Variants in SLC41A2 observed in about 807,000 individuals in gnomAD.
The protein encoded by SLC41A2 is SLC41A1-like 1.
Under a neutral mutation model 58.3 loss-of-function variants are expected in SLC41A2, and 32 were observed. The observed-to-expected ratio is 0.55, with a 90% CI of 0.41 to 0.74. The LOEUF is 0.74. Among genes scored for constraint, SLC41A2 ranks in the 30% least tolerant of loss-of-function variants. The probability of loss-of-function intolerance (pLI) is 0.00; values close to 1 mark genes in which losing one functional copy is unlikely to be tolerated. For missense variants in SLC41A2, 514 were observed against 680.6 expected (o/e 0.76, Z 2.72); for synonymous variants, 190 against 235.0 (o/e 0.81, Z 1.75).
At chr12:104,869,873 CAATT>C (rs2043672679) in intron 6 of SLC41A2, among the ~76,000 whole-genome samples, 1 of 152,092 alleles carries the variant, frequency 6.6e-6, no homozygotes, top group Non-Finnish European at 1.5e-5. Flanking sequence ...AGCAAATAGT[CAATT>C]AAAGGCCAAC....
At chr12:104,890,129 T>A (rs1198153920) in intron 4 of SLC41A2, among the ~76,000 whole-genome samples, 1 of 152,170 alleles carries the variant, frequency 6.6e-6, no homozygotes, top group Admixed American at 6.6e-5. Flanking sequence ...AATTTCTTGA[T>A]GTTCATGGAC....
chr12:104,852,606 C>T (rs577485634), intron 8 of SLC41A2, among the ~76,000 whole-genome samples: 3 of 152,134 alleles, frequency 2.0e-5, no homozygotes, highest in Non-Finnish European at 2.9e-5. Context: ...ACACTGTAGT[C>T]CAGGAAACAC....
chr12:104,823,622 A>C (rs1435216987), intron 10 of SLC41A2, among the ~76,000 whole-genome samples: 1 of 152,196 alleles, frequency 6.6e-6, no homozygotes, highest in Non-Finnish European at 1.5e-5. Context: ...ATACACAAAA[A>C]TTAATTCAAA....
At chr12:104,817,638 A>T (rs2041467232) in intron 10 of SLC41A2, among the ~76,000 whole-genome samples, 1 of 150,018 alleles carries the variant, frequency 6.7e-6, no homozygotes, top group Non-Finnish European at 1.5e-5. Context: ...AACTTTTTTG[A>T]ATATAGTAGT....
chr12:104,859,155 G>A (rs1451844393), intron 8 of SLC41A2, among the ~76,000 whole-genome samples: 1 of 152,096 alleles, frequency 6.6e-6, no homozygotes, highest in African/African-American at 2.4e-5. Context: ...TAGTTAGAAT[G>A]ATAATGAAAA....
chr12:104,893,199 G>A (rs549200260), intron 4 of SLC41A2, among the ~76,000 whole-genome samples: 1 of 152,250 alleles, frequency 6.6e-6, no homozygotes, highest in East Asian at 1.9e-4. Flanking sequence ...CAAAAGATCT[G>A]AATAGGCATT....
At chr12:104,917,481 A>G (rs1189653588) in intron 2 of SLC41A2, among the ~76,000 whole-genome samples, 1 of 152,050 alleles carries the variant, frequency 6.6e-6, no homozygotes, top group Non-Finnish European at 1.5e-5. Flanking sequence ...CTGGGTATAT[A>G]CCCAAAGGAC....
At chr12:104,940,860 A>G (rs1276375629) in intron 1 of SLC41A2, among the ~76,000 whole-genome samples, 1 of 147,766 alleles carries the variant, frequency 6.8e-6, no homozygotes, top group Non-Finnish European at 1.5e-5. Flanking sequence ...CAGAGGTTGC[A>G]GTGAGCCGAG....
chr12:104,853,912 T>TTATTATTA (rs1555202445), intron 8 of SLC41A2, among the ~76,000 whole-genome samples: 12 of 51,376 alleles, frequency 2.3e-4, no homozygotes, highest in Non-Finnish European at 4.0e-4. Context: ...GCCTGGCTGA[T>TTATTATTA]TTTTTTTTTT....
chr12:104,890,619 T>G (rs1490841685), intron 4 of SLC41A2, among the ~76,000 whole-genome samples: 1 of 152,128 alleles, frequency 6.6e-6, no homozygotes, highest in African/African-American at 2.4e-5. Context: ...AATGACTAAC[T>G]GAAAAATGAC....
At chr12:104,939,771 T>G (rs1276394309) in intron 1 of SLC41A2, among the ~76,000 whole-genome samples, 1 of 152,184 alleles carries the variant, frequency 6.6e-6, no homozygotes, top group Non-Finnish European at 1.5e-5. Flanking sequence ...TTTAATGCAA[T>G]CTATTACCAG....
chr12:104,887,381 G>C (rs2044722318), intron 5 of SLC41A2, among the ~76,000 whole-genome samples: 1 of 151,752 alleles, frequency 6.6e-6, no homozygotes, highest in South Asian at 2.1e-4. Context: ...CTTGCCTAAA[G>C]TCACATAGCT....
At chr12:104,853,718 T>TGTAC (rs57484177) in intron 8 of SLC41A2, among the ~76,000 whole-genome samples, 7 of 132,618 alleles carry the variant, frequency 5.3e-5, no homozygotes, top group African/African-American at 2.0e-4. Flanking sequence ...AATGTATGTA[T>TGTAC]GTATGTATGT....
At position 104,805,260 on chromosome 12, in the gene SLC41A2, G is replaced by A. The variant is rs11112201; in HGVS notation, c.1614C>T (p.Ser538=). ...CACCCAATGCTGTTAGGTAGGGGAT[G>A]GAGAAACTATCCGGGTCCTTTCCTT... ...WRKGKDPDSF[S]IPYLTALGDL... Residue 538 remains serine (S), a synonymous_variant, in exon 11 of 11, where the codon TCC becomes TCT. Coordinates refer to ENST00000258538, the MANE Select transcript of SLC41A2 (RefSeq NM_001352171.3). The A allele has an allele frequency of 0.091, 146,121 of 1,613,468 alleles. 6,759 individuals are homozygous for A. Among genetic ancestry groups the A allele is most frequent in the South Asian group, 0.11 (9,835 of 91,004 alleles).
chr12:104,858,253 A>C (rs2043088523), intron 8 of SLC41A2, among the ~76,000 whole-genome samples: 1 of 152,224 alleles, frequency 6.6e-6, no homozygotes, highest in Admixed American at 6.5e-5. Flanking sequence ...GATATGCCTT[A>C]AACAATGTAT....
At chr12:104,881,984 T>C (rs1168388101) in intron 6 of SLC41A2, among the ~76,000 whole-genome samples, 1 of 152,222 alleles carries the variant, frequency 6.6e-6, no homozygotes, top group Non-Finnish European at 1.5e-5. Flanking sequence ...ACTTGCTTTA[T>C]GAATCTGGGT....
intron 10 of SLC41A2, among the ~76,000 whole-genome samples, chr12:104,827,331 C>T (rs1023666190): frequency 1.3e-5 from 2 of 152,176 alleles, no homozygotes; most frequent in Non-Finnish European, 2.9e-5. Context: ...ATAATAGAGA[C>T]AGGGAGGCCC....
intron 1 of SLC41A2, among the ~76,000 whole-genome samples, chr12:104,952,714 A>G (rs2048000947): frequency 6.6e-6 from 1 of 152,192 alleles, no homozygotes; most frequent in South Asian, 2.1e-4. Flanking sequence ...AAACATGTGG[A>G]TTACAACTCA....
At chr12:104,816,164 G>T (rs575195040) in intron 10 of SLC41A2, among the ~76,000 whole-genome samples, 1 of 151,960 alleles carries the variant, frequency 6.6e-6, no homozygotes, top group Non-Finnish European at 1.5e-5. Context: ...ACTGACTGGG[G>T]GCAGCCAGAA....
Sources: gnomAD v4.1 joint callset for allele counts (sites outside exome capture counted in the v4.1 genomes callset) on GRCh38, gnomAD v4.1.1 for gene constraint, MANE v1.5 for transcripts, NCBI Gene and HGNC (gene_info 2026-07-23, HGNC 2026-07-21) for gene names.